The following DPP10 variants were observed in gnomAD, a reference collection of about 807,000 sequenced individuals.
DPP10 encodes the protein dipeptidyl peptidase like 10.
In DPP10, 33 loss-of-function variants were observed where a neutral mutation model predicts 120.9. The observed-to-expected ratio is 0.27, with a 90% CI of 0.21 to 0.37. The LOEUF (loss-of-function observed/expected upper bound fraction) is 0.37. Among genes scored for constraint, DPP10 ranks in the 10% least tolerant of loss-of-function variants. DPP10 has a pLI of 1.00. For missense variants in DPP10, 816 were observed against 942.8 expected, an observed-to-expected ratio of 0.87 and a Z score of 1.76; for synonymous variants, 337 against 326.1, an observed-to-expected ratio of 1.03 and a Z score of -0.36.
At position 115,474,520 on chromosome 2, in the gene DPP10, A is replaced by G. The variant is rs757624547; in HGVS notation, c.272-24990A>G. Among the ~76,000 whole-genome samples, 4 of 152,130 alleles carry G rather than the reference A, an allele frequency of 2.6e-5. No individual in the cohort carries two copies. The East Asian group carries it at 5.8e-4, about 22-fold the overall frequency. On this transcript the variant is annotated intron_variant, in intron 3 of 25. Coordinates refer to ENST00000410059, the MANE Select transcript of DPP10 (RefSeq NM_020868.6). ...GAGGCATTTTGCCCATGCCTTATGG[A>G]TCTTTGGAACTTTGAACTTAAGAGT...
chr2:115,462,164 G>A (rs1053708693), intron 3 of DPP10, among the ~76,000 whole-genome samples: 8 of 151,990 alleles, frequency 5.3e-5, no homozygotes, highest in South Asian at 4.2e-4. Flanking sequence ...GAATGATACC[G>A]TCACTTACCA....
At chr2:114,899,108 CA>C (rs1401434792) in intron 1 of DPP10, among the ~76,000 whole-genome samples, 1 of 150,946 alleles carries the variant, frequency 6.6e-6, no homozygotes, top group African/African-American at 2.4e-5. Context: ...TCAAAATGAT[CA>C]TGAATAGATA....
chr2:115,353,569 T>G (rs2064173778), intron 3 of DPP10, among the ~76,000 whole-genome samples: 1 of 152,172 alleles, frequency 6.6e-6, no homozygotes, highest in Non-Finnish European at 1.5e-5. Flanking sequence ...TAGTAGGAAT[T>G]GAAGTGGGAG....
intron 19 of DPP10, among the ~76,000 whole-genome samples, chr2:115,810,602 A>C (rs1196067862): frequency 6.6e-6 from 1 of 152,216 alleles, no homozygotes; most frequent in Non-Finnish European, 1.5e-5. Flanking sequence ...CTGCCCTCAA[A>C]GACCTTAACT....
intron 1 of DPP10, among the ~76,000 whole-genome samples, chr2:114,564,528 C>T (rs111661016): frequency 1.7e-4 from 26 of 152,192 alleles, no homozygotes; most frequent in East Asian, 9.7e-4. Flanking sequence ...ATAAGGTACC[C>T]GGCAGATCAC....
intron 1 of DPP10, among the ~76,000 whole-genome samples, chr2:115,013,190 G>A (rs1039682364): frequency 6.6e-6 from 1 of 152,034 alleles, no homozygotes; most frequent in African/African-American, 2.4e-5. Flanking sequence ...GGCAGGCCTG[G>A]TGGTGACAAA....
intron 3 of DPP10, among the ~76,000 whole-genome samples, chr2:115,492,272 G>C (rs1397983009): frequency 6.6e-6 from 1 of 152,122 alleles, no homozygotes; most frequent in Non-Finnish European, 1.5e-5. Flanking sequence ...TAATTGCTTA[G>C]TTTGGTAAAA....
At chr2:115,735,412 A>G (rs2093012926) in intron 8 of DPP10, among the ~76,000 whole-genome samples, 1 of 152,150 alleles carries the variant, frequency 6.6e-6, no homozygotes, top group Non-Finnish European at 1.5e-5. Flanking sequence ...CCTTCTTCCA[A>G]TGTTCATTTC....
At chr2:115,249,709 C>G (rs1355126995) in intron 1 of DPP10, among the ~76,000 whole-genome samples, 1 of 152,014 alleles carries the variant, frequency 6.6e-6, no homozygotes, top group African/African-American at 2.4e-5. Context: ...GAATTAAAGT[C>G]CACAGACTAT....
chr2:114,733,282 T>G (rs1677096339), intron 1 of DPP10, among the ~76,000 whole-genome samples: 1 of 152,170 alleles, frequency 6.6e-6, no homozygotes, highest in Admixed American at 6.5e-5. Context: ...AAATTCCTGC[T>G]TTCTTCTGCA....
chr2:115,244,518 A>G (rs1489653802), intron 1 of DPP10, among the ~76,000 whole-genome samples: 1 of 151,766 alleles, frequency 6.6e-6, no homozygotes, highest in Admixed American at 6.6e-5. Flanking sequence ...TGGCCTGGAA[A>G]TGTGAAATAT....
At chr2:115,472,261 G>C (rs1359557620) in intron 3 of DPP10, among the ~76,000 whole-genome samples, 1 of 152,110 alleles carries the variant, frequency 6.6e-6, no homozygotes, top group African/African-American at 2.4e-5. Flanking sequence ...AGAAAATTAA[G>C]TTACTTACCC....
At chr2:115,187,069 G>A (rs879730523) in intron 1 of DPP10, among the ~76,000 whole-genome samples, 1 of 114,578 alleles carries the variant, frequency 8.7e-6, no homozygotes, top group Admixed American at 1.3e-4. Context: ...ACGGAGTTTC[G>A]CTCTGTCGGG....
rs181951077 is a variant in DPP10, at chr2:115,083,758, G to A, written c.61-225481G>A. 8.9e-4 allele frequency among the ~76,000 whole-genome samples: 135 copies of A among 152,310 alleles called. 2 individuals are homozygous for A. Among genetic ancestry groups the A allele is most frequent in the African/African-American group, 3.1e-3 (129 of 41,564 alleles). ...ACAATTTTTGTCTCTGCCTCTGAAAGTTATCACTAAGTGATTTCTGCAAGA... is the reference window on the plus strand; with the variant it reads ...ACAATTTTTGTCTCTGCCTCTGAAAATTATCACTAAGTGATTTCTGCAAGA... On this transcript the variant is annotated intron_variant, in intron 1 of 25. Transcript: ENST00000410059.
intron 1 of DPP10, among the ~76,000 whole-genome samples, chr2:114,934,049 T>A (rs1441938777): frequency 6.6e-6 from 1 of 152,188 alleles, no homozygotes; most frequent in Non-Finnish European, 1.5e-5. Flanking sequence ...TTTTTCAAGT[T>A]CACCATTAAA....
chr2:114,913,430 A>G (rs2106635616), intron 1 of DPP10, among the ~76,000 whole-genome samples: 1 of 152,234 alleles, frequency 6.6e-6, no homozygotes, highest in South Asian at 2.1e-4. Flanking sequence ...CCAGAGAAAA[A>G]AGCCGTAAGA....
chr2:114,812,059 A>C (rs1043759961), intron 1 of DPP10, among the ~76,000 whole-genome samples: 2 of 152,166 alleles, frequency 1.3e-5, no homozygotes, highest in African/African-American at 4.8e-5. Flanking sequence ...TCTGTTTAAA[A>C]TAAAATGAAA....
intron 3 of DPP10, 91 bp from the exon 4 acceptor site, chr2:115,499,419 G>A (rs1325927873): frequency 4.2e-6 from 4 of 963,512 alleles, no homozygotes; most frequent in Non-Finnish European, 4.7e-6. Flanking sequence ...TTATTCTAAT[G>A]TGTCTGTTTA....
intron 1 of DPP10, among the ~76,000 whole-genome samples, chr2:115,202,258 G>A (rs1338820148): frequency 2.6e-5 from 4 of 152,010 alleles, no homozygotes; most frequent in Non-Finnish European, 2.9e-5. Flanking sequence ...AAACTTTAAA[G>A]CAATAAAGGC....
Sources: gnomAD v4.1 joint callset for allele counts (sites outside exome capture counted in the v4.1 genomes callset) on GRCh38, gnomAD v4.1.1 for gene constraint, MANE v1.5 for transcripts, NCBI Gene and HGNC (gene_info 2026-07-23, HGNC 2026-07-21) for gene names.